The following ABCA12 variants were observed in gnomAD, a reference collection of about 807,000 sequenced individuals.
The protein encoded by ABCA12 is glucosylceramide transporter ABCA12.
In ABCA12, 156 loss-of-function variants were observed where a neutral mutation model predicts 293.5. The observed-to-expected ratio is 0.53, with a 90% CI of 0.47 to 0.61. The LOEUF is 0.61. Among genes scored for constraint, ABCA12 ranks in the 20% least tolerant of loss-of-function variants. The pLI is 0.00. For synonymous variants in ABCA12, 1,063 were observed against 1,108.0 expected (o/e 0.96, Z 0.81); for missense variants, 2,797 against 3,090.2 (o/e 0.91, Z 2.25).
At chr2:215,126,005 G>A (rs1295307753) in intron 1 of ABCA12, among the ~76,000 whole-genome samples, 2 of 152,044 alleles carry the variant, frequency 1.3e-5, no homozygotes, top group East Asian at 1.9e-4. Flanking sequence ...TCATCACAAA[G>A]GAACACTGGA....
At chr2:215,127,689 T>C (rs1702957366) in intron 1 of ABCA12, among the ~76,000 whole-genome samples, 1 of 152,184 alleles carries the variant, frequency 6.6e-6, no homozygotes, top group East Asian at 1.9e-4. Context: ...TGACTCCTTT[T>C]GTGCTAGATG....
intron 8 of ABCA12, 102 bp downstream of exon 8, chr2:215,036,851 A>G: frequency 9.6e-7 from 1 of 1,046,112 alleles, no homozygotes. Flanking sequence ...CCCACCTAAG[A>G]ATAATATCAT....
At chr2:214,981,455 G>A (rs970517091) in intron 30 of ABCA12, among the ~76,000 whole-genome samples, 1 of 152,090 alleles carries the variant, frequency 6.6e-6, no homozygotes, top group Non-Finnish European at 1.5e-5. Flanking sequence ...ATTTGTGTAT[G>A]TTTGATATCT....
At chr2:215,073,450 G>A (rs1701776563) in intron 2 of ABCA12, among the ~76,000 whole-genome samples, 2 of 152,064 alleles carry the variant, frequency 1.3e-5, no homozygotes, top group South Asian at 4.1e-4. Context: ...CCTCTGGGCA[G>A]GTCTGAATTA....
chr2:214,967,053 A>G (rs1699278297), intron 38 of ABCA12, 100 bp from the exon 39 acceptor site: 2 of 949,756 alleles, frequency 2.1e-6, no homozygotes, highest in Admixed American at 2.0e-5. Context: ...AAATAAGAGC[A>G]TCAATTTTCC....
chr2:214,964,471 GA>G (rs1427895299), intron 39 of ABCA12, among the ~76,000 whole-genome samples: 1 of 152,138 alleles, frequency 6.6e-6, no homozygotes, highest in African/African-American at 2.4e-5. Context: ...CCTATATCTA[GA>G]AAACCCCATT....
intron 1 of ABCA12, among the ~76,000 whole-genome samples, chr2:215,122,508 C>T (rs1430569490): frequency 6.6e-6 from 1 of 152,148 alleles, no homozygotes; most frequent in Non-Finnish European, 1.5e-5. Context: ...TCCTCTTTCT[C>T]TAGTCACTGT....
chr2:215,049,242 C>T (rs887632035), intron 6 of ABCA12, among the ~76,000 whole-genome samples: 3 of 152,096 alleles, frequency 2.0e-5, no homozygotes, highest in Non-Finnish European at 4.4e-5. Flanking sequence ...AAAGATTTTA[C>T]CCATTATTCT....
intron 8 of ABCA12, among the ~76,000 whole-genome samples, chr2:215,033,960 A>T (rs1238741985): frequency 6.6e-6 from 1 of 152,072 alleles, no homozygotes; most frequent in Admixed American, 6.5e-5. Context: ...AAATAAAAAT[A>T]AAAAAATAAA....
intron 36 of ABCA12, among the ~76,000 whole-genome samples, chr2:214,972,405 T>C (rs1485542042): frequency 6.6e-6 from 1 of 152,164 alleles, no homozygotes; most frequent in Non-Finnish European, 1.5e-5. Context: ...GGATTTTTAA[T>C]TTATTTTAAT....
In ABCA12 at chr2:214,989,361, A is replaced by T. The variant is rs1460326781; in HGVS notation, c.3797T>A (p.Leu1266His). The change falls in exon 26 of 53, where the codon CTT (leucine) becomes CAT (histidine). Residue 1266 changes from leucine to histidine, a missense_variant. Leu to His is a moderately conservative substitution (Grantham distance 99). Around this residue, in one of 3 missense-constraint regions of ABCA12, gnomAD observed 2,130 missense variants for 2,427.0 expected, o/e 0.88. Coordinates refer to ENST00000272895, the MANE Select transcript of ABCA12 (RefSeq NM_173076.3). Reference sequence around the variant, plus strand: ...GACATTCCTGACATACCAAGCAATAAGGAAATAAATGAAAGAGTCAGCTAG... The same window carrying T: ...GACATTCCTGACATACCAAGCAATATGGAAATAAATGAAAGAGTCAGCTAG... ...LILADSFIYF[L>H]IAWYVRNVFP... is the part of the protein sequence containing the mutation. 6.2e-7 allele frequency: 1 copy of T among 1,613,634 alleles called. No individual in the cohort carries two copies. Among genetic ancestry groups the T allele is most frequent in the Non-Finnish European group, 8.5e-7 (1 of 1,179,920 alleles).
At position 214,950,416 on chromosome 2, in the gene ABCA12, G is replaced by A. The variant is rs1229871815; in HGVS notation, c.6852+463C>T. 2.5e-3 allele frequency among the ~76,000 whole-genome samples: 318 copies of A among 128,866 alleles called. 1 individual carries two copies. Among genetic ancestry groups the A allele is most frequent in the East Asian group, 0.019 (87 of 4,552 alleles). 84.5% of individuals were successfully genotyped at this position (128,866 alleles called of 152,430 possible). A position where few individuals can be genotyped will look rare whatever the true frequency, so the allele number is the denominator to read the frequency against. ...TGTGTGTGTGTGTGTGTGTGTGTGTGTGTGTATATATATGCATGTGTGTAT... is the reference window on the plus strand; with the variant it reads ...TGTGTGTGTGTGTGTGTGTGTGTGTATGTGTATATATATGCATGTGTGTAT... On this transcript the variant is annotated intron_variant, in intron 45 of 52. Transcript: ENST00000272895.
intron 3 of ABCA12, among the ~76,000 whole-genome samples, chr2:215,061,334 A>G (rs1196370934): frequency 6.6e-6 from 1 of 152,028 alleles, no homozygotes; most frequent in Admixed American, 6.6e-5. Flanking sequence ...ACACTTGGCG[A>G]CTGGCCAACA....
At chr2:214,962,424 T>C (rs1699138912) in intron 39 of ABCA12, 1 of 152,128 alleles carries the variant, frequency 6.6e-6, no homozygotes, top group Non-Finnish European at 1.5e-5. Context: ...TCATCAATAT[T>C]TCATATAAAG....
chr2:214,934,177 G>A lies in ABCA12; in HGVS notation c.7581C>T (p.Val2527=), dbSNP rs990165100. The A allele has an allele frequency of 3.2e-5, 52 of 1,613,788 alleles. No individual in the cohort carries two copies. Among genetic ancestry groups the A allele is most frequent in the Non-Finnish European group, 4.2e-5 (49 of 1,179,786 alleles). ...HLSMLEYHVP[V]TAGGVANIFD... is the part of the protein sequence containing the mutation. ...AAATGTTTGCGACTCCTCCTGCTGT[G>A]ACTGGTACATGATACTCTAGCATGC... The change falls in exon 52 of 53, where the codon GTC becomes GTT. Residue 2527 remains valine (V), a synonymous_variant. Transcript: ENST00000272895.
In ABCA12 at chr2:215,054,338, G is replaced by A. The variant is rs889919325; in HGVS notation, c.409+235C>T. 3.9e-5 allele frequency among the ~76,000 whole-genome samples: 6 copies of A among 152,182 alleles called. No individual in the cohort carries two copies. In the East Asian group the frequency reaches 7.8e-4, roughly 20 times the overall value. ...TGGGAAATGGTGCAATTCTCAACAT[G>A]TAGGCTTTTGCTCCTATGGAGTATT... is the stretch of plus-strand genomic sequence containing the variant. On this transcript the variant is annotated intron_variant, in intron 4 of 52. Transcript: ENST00000272895.
At position 215,045,947 on chromosome 2, in the gene ABCA12, T is replaced by A; in HGVS notation, c.762A>T (p.Ser254=). The A allele has an allele frequency of 6.2e-7, 1 of 1,613,736 alleles. No individual in the cohort carries two copies. Among genetic ancestry groups the A allele is most frequent in the Non-Finnish European group, 8.5e-7 (1 of 1,179,814 alleles). The stretch of plus-strand genomic sequence containing the variant: ...ACACAGCTTTCTGCTCTTGCACTTG[T>A]GAGAAGAAAGACAGCATTCTGACTA... ...QEIVRMLSFF[S]QVQEQKAVWQ... is the part of the protein sequence containing the mutation. The change falls in exon 7 of 53, where the codon TCA becomes TCT. Residue 254 remains serine (S), a synonymous_variant. Coordinates refer to ENST00000272895, the MANE Select transcript of ABCA12 (RefSeq NM_173076.3).
In ABCA12 at chr2:214,938,819, G is replaced by T. The variant is rs528645660; in HGVS notation, c.7437-1204C>A. ...TTTTGATGGGTTTTTTTTGTTTCTT[G>T]TAAATTTGTTTAAGTTCTTTGTAGA... On this transcript the variant is annotated intron_variant, in intron 50 of 52. Coordinates refer to ENST00000272895, the MANE Select transcript of ABCA12 (RefSeq NM_173076.3). 4.6e-5 allele frequency among the ~76,000 whole-genome samples: 7 copies of T among 152,078 alleles called. No homozygotes were observed. The South Asian group carries it at 1.0e-3, about 23-fold the overall frequency.
At chr2:214,994,640 A>G (rs969508664) in intron 23 of ABCA12, among the ~76,000 whole-genome samples, 1 of 152,266 alleles carries the variant, frequency 6.6e-6, no homozygotes, top group African/African-American at 2.4e-5. Context: ...TATTGACAAT[A>G]GACATTTATA....
Sources: gnomAD v4.1 joint callset for allele counts (sites outside exome capture counted in the v4.1 genomes callset) on GRCh38, gnomAD v4.1.1 for gene constraint, gnomAD v4.1.1 regional missense constraint, MANE v1.5 for transcripts, NCBI Gene and HGNC (gene_info 2026-07-23, HGNC 2026-07-21) for gene names.